Variants in ARHGAP15 observed in about 807,000 individuals in gnomAD.
ARHGAP15 encodes rho GTPase-activating protein 15.
Under a neutral mutation model 63.7 loss-of-function variants are expected in ARHGAP15, and 51 were observed. The ratio of observed to expected loss-of-function variants is 0.80; its 90% confidence interval spans 0.64 to 1.01. ARHGAP15 has a LOEUF of 1.01. ARHGAP15 is among the 50% of genes least tolerant of loss of function. ARHGAP15 has a pLI of 0.00. For synonymous variants in ARHGAP15, 191 were observed against 193.8 expected (o/e 0.99, Z 0.12); for missense variants, 560 against 564.6 (o/e 0.99, Z 0.08).
At chr2:143,271,643 T>C (rs1368090321) in intron 6 of ARHGAP15, among the ~76,000 whole-genome samples, 3 of 152,196 alleles carry the variant, frequency 2.0e-5, no homozygotes, top group Non-Finnish European at 4.4e-5. Flanking sequence ...GCCCGGCTAA[T>C]TTTTTTGTAA....
At chr2:143,631,528 G>A (rs1699071507) in intron 12 of ARHGAP15, among the ~76,000 whole-genome samples, 1 of 152,086 alleles carries the variant, frequency 6.6e-6, no homozygotes, top group African/African-American at 2.4e-5. Flanking sequence ...TATGTGTGAA[G>A]TGGTATTTTG....
chr2:143,190,963 G>A (rs943636205), intron 2 of ARHGAP15, among the ~76,000 whole-genome samples: 1 of 152,120 alleles, frequency 6.6e-6, no homozygotes, highest in African/African-American at 2.4e-5. Context: ...CAGAGACAGG[G>A]TTTCACCATG....
chr2:143,619,054 C>T (rs1698556582), intron 11 of ARHGAP15, among the ~76,000 whole-genome samples: 1 of 151,944 alleles, frequency 6.6e-6, no homozygotes. Flanking sequence ...CTCAGGTGAT[C>T]TGCCCACCTC....
chr2:143,724,767 C>T (rs1455393469), intron 13 of ARHGAP15, among the ~76,000 whole-genome samples: 2 of 152,086 alleles, frequency 1.3e-5, no homozygotes, highest in Non-Finnish European at 2.9e-5. Context: ...TTCGGACAAG[C>T]ATAGTAAGAA....
intron 2 of ARHGAP15, among the ~76,000 whole-genome samples, chr2:143,179,173 C>T (rs1558796822): frequency 6.6e-6 from 1 of 152,142 alleles, no homozygotes; most frequent in African/African-American, 2.4e-5. Flanking sequence ...AATCAGAATC[C>T]AGCTTCTACT....
At chr2:143,579,538 T>C (rs891337401) in intron 11 of ARHGAP15, among the ~76,000 whole-genome samples, 41 of 152,154 alleles carry the variant, frequency 2.7e-4, no homozygotes, top group Non-Finnish European at 7.3e-5. Context: ...ATTGTGCCCT[T>C]CATTCAGACC....
intron 2 of ARHGAP15, among the ~76,000 whole-genome samples, chr2:143,192,259 G>A (rs1433865067): frequency 6.6e-6 from 1 of 152,212 alleles, no homozygotes; most frequent in East Asian, 1.9e-4. Context: ...AACTTGGACT[G>A]GAGAATGTTG....
At chr2:143,705,091 A>G (rs1364271831) in intron 13 of ARHGAP15, among the ~76,000 whole-genome samples, 2 of 152,150 alleles carry the variant, frequency 1.3e-5, no homozygotes, top group Non-Finnish European at 2.9e-5. Context: ...ACAGACTTCT[A>G]TTTCATTAAA....
At chr2:143,327,807 G>A (rs2105244708) in intron 6 of ARHGAP15, among the ~76,000 whole-genome samples, 1 of 152,158 alleles carries the variant, frequency 6.6e-6, no homozygotes, top group East Asian at 1.9e-4. Context: ...TCGTCAGAGT[G>A]AAGAGGCAAA....
rs150417920 is a variant in ARHGAP15, at chr2:143,716,257, G to A, written c.1244+12733G>A. Reference sequence around the variant, plus strand: ...ACTACAATGAATGAGTTCTAAAAGAGGCTGGCCACACCAAGGGAGACTCAG... The same window carrying A: ...ACTACAATGAATGAGTTCTAAAAGAAGCTGGCCACACCAAGGGAGACTCAG... On this transcript the variant is annotated intron_variant, in intron 13 of 13. Coordinates refer to ENST00000295095, the MANE Select transcript of ARHGAP15 (RefSeq NM_018460.4). Among the ~76,000 whole-genome samples the A allele has an allele frequency of 1.1e-3, 163 of 152,296 alleles. 4 individuals are homozygous for A. The East Asian group carries it at 0.027, about 26-fold the overall frequency.
chr2:143,423,539 G>A (rs1464695621), intron 6 of ARHGAP15, among the ~76,000 whole-genome samples: 2 of 152,116 alleles, frequency 1.3e-5, no homozygotes, highest in East Asian at 3.9e-4. Context: ...CACTGGATGT[G>A]TACAGTAGTG....
At chr2:143,135,435 A>G (rs543152694) in intron 1 of ARHGAP15, among the ~76,000 whole-genome samples, 8 of 152,282 alleles carry the variant, frequency 5.3e-5, no homozygotes, top group Admixed American at 1.3e-4. Flanking sequence ...TGTCCTAAGG[A>G]TTGCTGGAGA....
intron 13 of ARHGAP15, chr2:143,706,463 G>A (rs1296616840): frequency 2.0e-5 from 3 of 152,116 alleles, no homozygotes; most frequent in Non-Finnish European, 4.4e-5. Context: ...AATTCCACTT[G>A]ACCTACGTAC....
intron 8 of ARHGAP15, among the ~76,000 whole-genome samples, chr2:143,480,345 A>G (rs983847284): frequency 1.3e-5 from 2 of 152,238 alleles, no homozygotes; most frequent in African/African-American, 4.8e-5. Context: ...CTTAAAGTTG[A>G]TAATGCAGTC....
chr2:143,152,163 A>T (rs1689851203), intron 1 of ARHGAP15, among the ~76,000 whole-genome samples: 1 of 152,010 alleles, frequency 6.6e-6, no homozygotes, highest in Non-Finnish European at 1.5e-5. Flanking sequence ...CAGATGAAAG[A>T]TAAGCGAGAT....
At position 143,371,088 on chromosome 2, in the gene ARHGAP15, C is replaced by A. The variant is rs965514318; in HGVS notation, c.475-64513C>A. 1.3e-5 allele frequency among the ~76,000 whole-genome samples: 2 copies of A among 152,018 alleles called. 1 individual carries two copies. Among genetic ancestry groups the A allele is most frequent in the Middle Eastern group, 6.3e-3 (2 of 316 alleles). The stretch of plus-strand genomic sequence containing the variant: ...TGGTCATTGTTTTGACTGTAGACAC[C>A]TATTTGAGGTCTACTTTTGAAAAAG... On this transcript the variant is annotated intron_variant, in intron 6 of 13. Coordinates refer to ENST00000295095, the MANE Select transcript of ARHGAP15 (RefSeq NM_018460.4).
At position 143,498,152 on chromosome 2, in the gene ARHGAP15, T is replaced by C. The variant is rs193161792; in HGVS notation, c.826+10657T>C. 6.6e-5 allele frequency among the ~76,000 whole-genome samples: 10 copies of C among 152,298 alleles called. No individual in the cohort carries two copies. In the East Asian group the frequency reaches 1.9e-3, roughly 29 times the overall value. ...TATAAATCAACAACATTTCATAAAT[T>C]TCTAAGATTCAAAAAAAACTTGCAT... On this transcript the variant is annotated intron_variant, in intron 9 of 13. Coordinates refer to ENST00000295095, the MANE Select transcript of ARHGAP15 (RefSeq NM_018460.4).
At chr2:143,734,539 G>T (rs1433369731) in intron 13 of ARHGAP15, among the ~76,000 whole-genome samples, 1 of 152,122 alleles carries the variant, frequency 6.6e-6, no homozygotes, top group African/African-American at 2.4e-5. Flanking sequence ...TACATCTATA[G>T]CCACTGCAGG....
At chr2:143,279,133 G>A (rs1396319941) in intron 6 of ARHGAP15, among the ~76,000 whole-genome samples, 1 of 152,142 alleles carries the variant, frequency 6.6e-6, no homozygotes, top group Non-Finnish European at 1.5e-5. Flanking sequence ...GCTCCTCAGA[G>A]AGAAGTGGTA....
Sources: allele counts gnomAD v4.1 joint callset (sites outside exome capture counted in the v4.1 genomes callset), GRCh38; gene constraint gnomAD v4.1.1; transcripts MANE v1.5; gene names NCBI Gene and HGNC (gene_info 2026-07-23, HGNC 2026-07-21).